Variants in PCDH11X observed in about 807,000 individuals in gnomAD.
The protein encoded by PCDH11X is protocadherin-11 X-linked.
Under a neutral mutation model 53.3 loss-of-function variants are expected in PCDH11X, and 18 were observed. The observed-to-expected ratio is 0.34, with a 90% CI of 0.23 to 0.50. The LOEUF is 0.50. Among genes scored for constraint, PCDH11X ranks in the 20% least tolerant of loss-of-function variants. The pLI, the probability that PCDH11X is intolerant of heterozygous loss-of-function variation, is 0.98. For missense variants in PCDH11X, 570 were observed against 1,032.4 expected (o/e 0.55, Z 6.14); for synonymous variants, 279 against 393.3 (o/e 0.71, Z 3.44).
intron 6 of PCDH11X, among the ~76,000 whole-genome samples, chrX:92,066,702 C>G (rs1399320224): frequency 1.8e-5 from 2 of 112,432 alleles, no homozygotes. Context: ...TGCAACTATA[C>G]TGAATTTATT....
intron 10 of PCDH11X, among the ~76,000 whole-genome samples, chrX:92,507,470 C>T (rs1444288583): frequency 1.8e-5 from 2 of 111,279 alleles, no homozygotes; most frequent in African/African-American, 6.5e-5. Context: ...CCGGTTTATC[C>T]TTGCTACTGT....
chrX:91,813,124 A>G (rs1460074148), intron 4 of PCDH11X, among the ~76,000 whole-genome samples: 5 of 111,505 alleles, frequency 4.5e-5, no homozygotes, highest in African/African-American at 1.6e-4. Context: ...TCAACAAGAC[A>G]TTCAGCCCAT....
At chrX:92,579,573 T>C (rs1300204045) in intron 10 of PCDH11X, among the ~76,000 whole-genome samples, 1 of 111,508 alleles carries the variant, frequency 9.0e-6, no homozygotes, top group Non-Finnish European at 1.9e-5. Flanking sequence ...GTGAAGTTCT[T>C]GTGTTTTTCA....
Position 92,419,789 on chromosome X carries a change from C to T in PCDH11X, c.3343+31856C>T, listed in dbSNP as rs188706707. ...CTGCCTCCCAGGTTCAAGCAATTCT[C>T]CTGCCTCAGCCTCCTGAGTAGCTGG... On this transcript the variant is annotated intron_variant, in intron 9 of 10. Transcript: ENST00000682573. Among the ~76,000 whole-genome samples, 110 of 102,894 alleles carry T rather than the reference C, an allele frequency of 1.1e-3. 3 individuals are homozygous for T. In the East Asian group the frequency reaches 0.025, roughly 24 times the overall value. The allele number at this position is 102,894 out of a possible 115,157, so 89.4% of individuals were successfully genotyped here. A position where few individuals can be genotyped will look rare whatever the true frequency, so the allele number is the denominator to read the frequency against.
chrX:92,019,201 C>A (rs1341033619), intron 6 of PCDH11X, among the ~76,000 whole-genome samples: 1 of 108,824 alleles, frequency 9.2e-6, no homozygotes, highest in Non-Finnish European at 1.9e-5. Flanking sequence ...CCCAGGAGAA[C>A]GGGCGAGTTA....
chrX:91,867,692 C>T (rs1261898042), intron 5 of PCDH11X, among the ~76,000 whole-genome samples: 1 of 110,751 alleles, frequency 9.0e-6, no homozygotes, highest in Admixed American at 9.6e-5. Flanking sequence ...TGCATGGCCT[C>T]GTATTTTCTG....
At chrX:92,443,390 T>C (rs774673491) in intron 9 of PCDH11X, among the ~76,000 whole-genome samples, 14 of 111,707 alleles carry the variant, frequency 1.3e-4, no homozygotes, top group Admixed American at 1.1e-3. Context: ...TTATAGATTC[T>C]TGATATTAGT....
chrX:91,882,839 G>T, intron 6 of PCDH11X: 1 of 1,166,248 alleles, frequency 8.6e-7, no homozygotes, highest in South Asian at 1.9e-5. Context: ...CATGAAGCAT[G>T]CTTGGCAAAT....
intron 8 of PCDH11X, among the ~76,000 whole-genome samples, chrX:92,326,453 AG>A (rs1167818808): frequency 9.8e-6 from 1 of 102,504 alleles, no homozygotes; most frequent in Non-Finnish European, 2.0e-5. Flanking sequence ...TGGATATTCA[AG>A]GGGAACACAG....
intron 1 of PCDH11X, among the ~76,000 whole-genome samples, chrX:91,796,706 AC>A (rs1359412282): frequency 8.9e-6 from 1 of 111,962 alleles, no homozygotes; most frequent in Non-Finnish European, 1.9e-5. Context: ...CAAAATAATT[AC>A]ATTTTGCATA....
intron 10 of PCDH11X, among the ~76,000 whole-genome samples, chrX:92,547,164 T>A (rs1424449052): frequency 6.5e-5 from 7 of 108,472 alleles, no homozygotes; most frequent in African/African-American, 2.4e-4. Flanking sequence ...GTTTTAGGAA[T>A]TGTTAACTCT....
intron 9 of PCDH11X, among the ~76,000 whole-genome samples, chrX:92,467,075 A>G (rs1035451350): frequency 1.8e-5 from 2 of 110,807 alleles, no homozygotes; most frequent in African/African-American, 6.5e-5. Flanking sequence ...AAGGGTGGGG[A>G]ATTGCAAAAT....
intron 6 of PCDH11X, among the ~76,000 whole-genome samples, chrX:91,957,117 G>A (rs2061720371): frequency 9.0e-6 from 1 of 111,104 alleles, no homozygotes; most frequent in African/African-American, 3.3e-5. Context: ...GGTCAGTTAT[G>A]TTTCTCTCTA....
At chrX:91,947,381 A>C (rs1393223692) in intron 6 of PCDH11X, among the ~76,000 whole-genome samples, 4 of 103,588 alleles carry the variant, frequency 3.9e-5, no homozygotes, top group African/African-American at 7.0e-5. Flanking sequence ...GGGAACATTT[A>C]TACACTTCCA....
intron 10 of PCDH11X, among the ~76,000 whole-genome samples, chrX:92,490,748 G>C (rs867011120): frequency 1.0e-5 from 1 of 96,061 alleles, no homozygotes; most frequent in Non-Finnish European, 2.1e-5. Flanking sequence ...GAGAAAGAGA[G>C]AAAGAAAGAA....
intron 6 of PCDH11X, among the ~76,000 whole-genome samples, chrX:91,988,131 G>A (rs1321491955): frequency 2.7e-5 from 3 of 111,052 alleles, no homozygotes; most frequent in Non-Finnish European, 3.8e-5. Context: ...ATAATACATA[G>A]CACTATTATT....
intron 6 of PCDH11X, among the ~76,000 whole-genome samples, chrX:92,079,676 G>A (rs748920420): frequency 4.5e-5 from 5 of 111,417 alleles, no homozygotes; most frequent in African/African-American, 1.6e-4. Flanking sequence ...TTTCCCCTAG[G>A]AGCAATGTTT....
rs780981082 is a variant in PCDH11X, at chrX:92,101,125, A to C, written c.3034-100250A>C. 2.8e-4 allele frequency among the ~76,000 whole-genome samples: 31 copies of C among 112,077 alleles called. No homozygotes were observed. The East Asian group carries it at 3.1e-3, about 11-fold the overall frequency. On this transcript the variant is annotated intron_variant, in intron 6 of 10. Transcript: ENST00000682573. ...AAGAGTAGCGGTTTGGGGATAGCAC[A>C]AGGAGATATCAGCTGTGATGGCTTG... is the stretch of plus-strand genomic sequence containing the variant.
chrX:92,195,384 GCT>G (rs1443081887), intron 6 of PCDH11X, among the ~76,000 whole-genome samples: 1 of 111,514 alleles, frequency 9.0e-6, no homozygotes, highest in African/African-American at 3.3e-5. Flanking sequence ...TTTCTAGATA[GCT>G]CTTTGCTTTT....
Sources: gnomAD v4.1 joint callset for allele counts (sites outside exome capture counted in the v4.1 genomes callset) on GRCh38, gnomAD v4.1.1 for gene constraint, MANE v1.5 for transcripts, NCBI Gene and HGNC (gene_info 2026-07-23, HGNC 2026-07-21) for gene names.